AGBL1: variants seen among roughly 807,000 people sequenced by gnomAD.
AGBL1 encodes the protein AGBL carboxypeptidase 1, also known as cytosolic carboxypeptidase 4.
A neutral mutation model predicts 118.9 loss-of-function variants in AGBL1; 130 were observed. The observed-to-expected ratio is 1.09, with a 90% confidence interval of 0.95 to 1.26. The LOEUF (loss-of-function observed/expected upper bound fraction) is 1.26, where lower values mean the gene tolerates loss of function less well. Among genes scored for constraint, AGBL1 ranks in the 50% most tolerant of loss-of-function variants. AGBL1 has a pLI of 0.00. For synonymous variants in AGBL1, 555 were observed against 478.9 expected (o/e 1.16, Z -2.08); for missense variants, 1,584 against 1,298.1 (o/e 1.22, Z -3.38).
chr15:86,416,642 A>C (rs2081700135), intron 18 of AGBL1, among the ~76,000 whole-genome samples: 1 of 152,214 alleles, frequency 6.6e-6, no homozygotes, highest in Admixed American at 6.5e-5. Context: ...TGAGTGTTCT[A>C]ATTCAGTGGA....
chr15:86,264,775 T>G lies in AGBL1; in HGVS notation c.1604T>G (p.Val535Gly). Residue 535 changes from valine (V) to glycine (G), a missense_variant, in exon 11 of 23, where the codon GTC becomes GGC. Coordinates refer to ENST00000614907, the MANE Select transcript of AGBL1 (RefSeq NM_001386094.1). ...TTCAAGATGATGGCATTTCCTGATG[T>G]CTGGGGACACTGTCCCCCTCCCACC... ...VDFKMMAFPD[V>G]WGHCPPPTTQ... is the part of the protein sequence containing the mutation. 1 of 1,614,008 alleles carries G rather than the reference T, an allele frequency of 6.2e-7. No homozygotes were observed. Among genetic ancestry groups the G allele is most frequent in the Non-Finnish European group, 8.5e-7 (1 of 1,179,896 alleles).
intron 22 of AGBL1, among the ~76,000 whole-genome samples, chr15:86,724,061 C>T (rs1196054633): frequency 6.6e-6 from 1 of 151,776 alleles, no homozygotes; most frequent in Non-Finnish European, 1.5e-5. Context: ...TGGTGAAAAC[C>T]CGTCTCTAAT....
intron 22 of AGBL1, among the ~76,000 whole-genome samples, chr15:86,795,769 A>G (rs1249747553): frequency 6.6e-6 from 1 of 151,474 alleles, no homozygotes; most frequent in African/African-American, 2.4e-5. Flanking sequence ...TATTTTTAGT[A>G]GAGATGGAGT....
Position 86,688,696 on chromosome 15 carries a change from A to G in AGBL1, c.3158+14260A>G, listed in dbSNP as rs78284639. ...GTTCAAACAAACCTGATTTTATTATAGCTTTAACGAGGCGGGCACAATTGA... is the reference window on the plus strand; with the variant it reads ...GTTCAAACAAACCTGATTTTATTATGGCTTTAACGAGGCGGGCACAATTGA... On this transcript the variant is annotated intron_variant, in intron 22 of 22. Transcript: ENST00000614907. Among the ~76,000 whole-genome samples, 270 of 152,278 alleles carry G rather than the reference A, an allele frequency of 1.8e-3. 4 individuals are homozygous for G. In the East Asian group the frequency reaches 0.022, roughly 13 times the overall value.
chr15:86,851,176 T>C (rs2079402401), intron 22 of AGBL1, among the ~76,000 whole-genome samples: 1 of 152,108 alleles, frequency 6.6e-6, no homozygotes, highest in Admixed American at 6.6e-5. Flanking sequence ...ATCTACTATT[T>C]TGGGAAAGAG....
intron 22 of AGBL1, among the ~76,000 whole-genome samples, chr15:86,892,420 G>A (rs2080064826): frequency 6.6e-6 from 1 of 152,078 alleles, no homozygotes; most frequent in Non-Finnish European, 1.5e-5. Flanking sequence ...TCTTCCTCAG[G>A]CAGAGTAGAC....
Position 86,143,819 on chromosome 15 carries a change from G to T in AGBL1, c.236G>T (p.Arg79Leu), listed in dbSNP as rs80332650. 6.2e-7 allele frequency: 1 copy of T among 1,613,752 alleles called. No individual in the cohort carries two copies. Among genetic ancestry groups the T allele is most frequent in the Middle Eastern group, 1.7e-4 (1 of 6,060 alleles). ...TATGACATCCTCCTGCCTCTCTTCC[G>T]GCTGCTGGCCAAAGTTGGCCTAAGA... The part of the protein sequence containing the change: ...PDYDILLPLF[R>L]LLAKVGLRDK... Residue 79 changes from arginine to leucine, a missense_variant, in exon 3 of 23, where the codon CGG becomes CTG. By Grantham distance (102) the Arg-to-Leu change is moderately radical. Coordinates refer to ENST00000614907, the MANE Select transcript of AGBL1 (RefSeq NM_001386094.1).
At chr15:86,270,966 G>C (rs1361320294) in intron 14 of AGBL1, among the ~76,000 whole-genome samples, 1 of 151,466 alleles carries the variant, frequency 6.6e-6, no homozygotes, top group Non-Finnish European at 1.5e-5. Context: ...TGCATTCCTT[G>C]GCTGATGGCC....
At chr15:86,147,849 C>T (rs2077053468) in intron 3 of AGBL1, among the ~76,000 whole-genome samples, 1 of 152,180 alleles carries the variant, frequency 6.6e-6, no homozygotes, top group African/African-American at 2.4e-5. Flanking sequence ...GAGACACCTC[C>T]CAGTAGGGGC....
chr15:86,925,720 C>CTTTTTTTTTT (rs375125663), intron 23 of AGBL1, among the ~76,000 whole-genome samples: 16 of 131,978 alleles, frequency 1.2e-4, no homozygotes, highest in African/African-American at 2.0e-4. Context: ...TTTTTCTTTT[C>CTTTTTTTTTT]TTTTTTTTTT....
At chr15:86,177,676 T>A (rs879568799) in intron 5 of AGBL1, among the ~76,000 whole-genome samples, 1 of 152,170 alleles carries the variant, frequency 6.6e-6, no homozygotes, top group Non-Finnish European at 1.5e-5. Flanking sequence ...AATTAAATAA[T>A]GTACTTCTAA....
intron 23 of AGBL1, among the ~76,000 whole-genome samples, chr15:86,985,112 A>G (rs1290567616): frequency 6.6e-6 from 1 of 151,198 alleles, no homozygotes; most frequent in Non-Finnish European, 1.5e-5. Context: ...TTGTGTAGAT[A>G]TGCTATATTG....
rs929029768 is a variant in AGBL1, at chr15:86,914,463, C to T, written c.*7169C>T. The stretch of plus-strand genomic sequence containing the variant: ...AAATGATAGAGCTGGAATCTGTTCC[C>T]GGGGAAATCTGACTTCCTAACTCAT... On this transcript the variant is annotated 3_prime_UTR_variant, in exon 23 of 23. Coordinates refer to ENST00000614907, the MANE Select transcript of AGBL1 (RefSeq NM_001386094.1). The T allele has an allele frequency of 6.6e-5, 10 of 152,146 alleles. No homozygotes were observed. The highest frequency in any genetic ancestry group is 2.4e-4 in the African/African-American group (10 of 41,434). 9.4% of individuals were successfully genotyped at this position (152,146 alleles called of 1,614,324 possible).
intron 22 of AGBL1, among the ~76,000 whole-genome samples, chr15:86,813,966 T>C (rs1249197475): frequency 1.3e-5 from 2 of 152,172 alleles, no homozygotes; most frequent in African/African-American, 4.8e-5. Flanking sequence ...TTTAGGACTG[T>C]GAAACTGAGT....
At chr15:86,540,487 C>T (rs13329581) in intron 19 of AGBL1, among the ~76,000 whole-genome samples, 11,121 of 151,936 alleles carry the variant, frequency 0.073, 1,001 homozygotes, top group African/African-American at 0.21. Context: ...CCTGGCTACT[C>T]GGAAGGCTGA....
chr15:86,675,587 C>T (rs1032133065), intron 22 of AGBL1, among the ~76,000 whole-genome samples: 8 of 152,126 alleles, frequency 5.3e-5, no homozygotes, highest in African/African-American at 1.7e-4. Context: ...CTTCTGCCTG[C>T]CCCTGGTCCC....
At chr15:87,012,556 G>C (rs1199592772) in intron 24 of AGBL1, among the ~76,000 whole-genome samples, 1 of 152,106 alleles carries the variant, frequency 6.6e-6, no homozygotes, top group Non-Finnish European at 1.5e-5. Flanking sequence ...GATGGAAACA[G>C]AATGATGGGG....
At chr15:86,351,654 G>C (rs1020663755) in intron 17 of AGBL1, among the ~76,000 whole-genome samples, 2 of 152,068 alleles carry the variant, frequency 1.3e-5, no homozygotes, top group African/African-American at 2.4e-5. Context: ...ATCATGTGTG[G>C]ATATTCAGGG....
chr15:86,349,376 T>TA (rs1165597154), intron 17 of AGBL1, among the ~76,000 whole-genome samples: 1 of 152,186 alleles, frequency 6.6e-6, no homozygotes, highest in East Asian at 1.9e-4. Flanking sequence ...ATGATGAGAT[T>TA]AAAAAACCCT....
Sources: gnomAD v4.1 joint callset for allele counts (sites outside exome capture counted in the v4.1 genomes callset) on GRCh38, gnomAD v4.1.1 for gene constraint, MANE v1.5 for transcripts, NCBI Gene and HGNC (gene_info 2026-07-23, HGNC 2026-07-21) for gene names.